The following XIRP2 variants were observed in gnomAD, a reference collection of about 807,000 sequenced individuals.
XIRP2 encodes xin actin-binding repeat-containing protein 2.
In XIRP2, 236 loss-of-function variants were observed where a neutral mutation model predicts 277.0. The ratio of observed to expected loss-of-function variants is 0.85; its 90% CI spans 0.77 to 0.95. The LOEUF (loss-of-function observed/expected upper bound fraction) is 0.95, where lower values mean the gene tolerates loss of function less well. Among genes scored for constraint, XIRP2 ranks in the 40% least tolerant of loss-of-function variants. The pLI, the probability that XIRP2 is intolerant of heterozygous loss-of-function variation, is 0.00. For synonymous variants in XIRP2, 1,490 were observed against 1,416.5 expected (o/e 1.05, Z -1.17); for missense variants, 4,640 against 4,157.5 (o/e 1.12, Z -3.19).
intron 2 of XIRP2, among the ~76,000 whole-genome samples, chr2:167,103,497 C>G (rs1395661676): frequency 6.6e-6 from 1 of 152,124 alleles, no homozygotes; most frequent in Non-Finnish European, 1.5e-5. Flanking sequence ...ACAGCTTTCC[C>G]TACAAACCTT....
chr2:167,200,167 T>C (rs1340898535), intron 3 of XIRP2, among the ~76,000 whole-genome samples: 1 of 152,110 alleles, frequency 6.6e-6, no homozygotes, highest in African/African-American at 2.4e-5. Flanking sequence ...TTTCAACACA[T>C]GGGTACTAAG....
At chr2:166,981,740 TA>T (rs1686875595) in intron 2 of XIRP2, among the ~76,000 whole-genome samples, 1 of 152,126 alleles carries the variant, frequency 6.6e-6, no homozygotes, top group African/African-American at 2.4e-5. Context: ...CGTGATGGAT[TA>T]GGGGTCACCA....
chr2:167,167,485 A>G (rs569343250), intron 3 of XIRP2, among the ~76,000 whole-genome samples: 12 of 152,232 alleles, frequency 7.9e-5, no homozygotes, highest in African/African-American at 1.4e-4. Context: ...CAGTCTTAGC[A>G]TATTGTACTT....
In XIRP2 at chr2:167,259,067, G is replaced by A. The variant is rs766745683; in HGVS notation, c.*1250G>A. The A allele has an allele frequency of 1.7e-5, 28 of 1,611,104 alleles. No individual in the cohort carries two copies. The highest frequency in any genetic ancestry group is 7.7e-5 in the South Asian group (7 of 90,982). ...TTTACACTTTTTCTTTTCTAACACCGTGAAAATCACTGCATTTTCCAAGAA... is the reference window on the plus strand; with the variant it reads ...TTTACACTTTTTCTTTTCTAACACCATGAAAATCACTGCATTTTCCAAGAA... On this transcript the variant is annotated 3_prime_UTR_variant, in exon 11 of 11. Coordinates refer to ENST00000409195, the MANE Select transcript of XIRP2 (RefSeq NM_152381.6).
At chr2:166,938,509 T>G (rs547819363) in intron 2 of XIRP2, among the ~76,000 whole-genome samples, 1 of 152,350 alleles carries the variant, frequency 6.6e-6, no homozygotes, top group South Asian at 2.1e-4. Context: ...AGTGCTTTAC[T>G]TCCAACTATG....
At chr2:167,028,597 T>C (rs2105499771) in intron 2 of XIRP2, among the ~76,000 whole-genome samples, 1 of 151,770 alleles carries the variant, frequency 6.6e-6, no homozygotes, top group African/African-American at 2.4e-5. Context: ...CCAAGACAGG[T>C]ACAAAGAAGT....
chr2:166,975,593 A>G (rs1205143404), intron 2 of XIRP2, among the ~76,000 whole-genome samples: 2 of 152,212 alleles, frequency 1.3e-5, no homozygotes, highest in Non-Finnish European at 2.9e-5. Context: ...TGAATGTCCT[A>G]CATTCTAATT....
chr2:167,174,041 T>A (rs1692770202), intron 3 of XIRP2, among the ~76,000 whole-genome samples: 1 of 152,206 alleles, frequency 6.6e-6, no homozygotes. Context: ...GATTTTCGTG[T>A]CGATGTTCAT....
chr2:167,168,599 A>AT (rs1235684729), intron 3 of XIRP2, among the ~76,000 whole-genome samples: 2 of 151,504 alleles, frequency 1.3e-5, no homozygotes, highest in Non-Finnish European at 2.9e-5. Context: ...GTTTTTTCTT[A>AT]TTTTTTGTTT....
chr2:167,093,214 A>G (rs937686011), intron 2 of XIRP2, among the ~76,000 whole-genome samples: 3 of 151,798 alleles, frequency 2.0e-5, no homozygotes, highest in African/African-American at 7.3e-5. Flanking sequence ...AATATTAAGT[A>G]GATATTAAGA....
rs142781769 is a variant in XIRP2, at chr2:167,152,257, T to A, written c.562+16195T>A. ...CTCCACTTGAGATGTATCCGCCCCA[T>A]ACCAAAAGAAGAACAGCATCCTTTG... On this transcript the variant is annotated intron_variant, in intron 3 of 10. Coordinates refer to ENST00000409195, the MANE Select transcript of XIRP2 (RefSeq NM_152381.6). Among the ~76,000 whole-genome samples the A allele has an allele frequency of 7.3e-3, 1,114 of 152,100 alleles. 56 individuals carry two copies. The highest frequency in any genetic ancestry group is 0.068 in the Admixed American group (1,031 of 15,242).
At chr2:166,907,693 C>T (rs561014995) in intron 2 of XIRP2, among the ~76,000 whole-genome samples, 9 of 151,482 alleles carry the variant, frequency 5.9e-5, no homozygotes, top group African/African-American at 1.7e-4. Context: ...ATACATGTGC[C>T]GTGTTGGTGT....
chr2:167,040,524 A>G (rs182691426), intron 2 of XIRP2, among the ~76,000 whole-genome samples: 30 of 152,292 alleles, frequency 2.0e-4, no homozygotes, highest in Middle Eastern at 3.4e-3. Context: ...AAAACTGCCC[A>G]GAGTGTTGGC....
chr2:166,962,039 G>T (rs936474721), intron 2 of XIRP2, among the ~76,000 whole-genome samples: 1 of 151,610 alleles, frequency 6.6e-6, no homozygotes, highest in Admixed American at 6.6e-5. Context: ...GGCCATAAAA[G>T]TTCAAGGGAG....
chr2:167,023,328 T>A (rs1160960343), intron 2 of XIRP2, among the ~76,000 whole-genome samples: 4 of 152,146 alleles, frequency 2.6e-5, no homozygotes, highest in African/African-American at 9.7e-5. Flanking sequence ...TAAATTTGTT[T>A]GAGTTCATTA....
chr2:167,011,144 TG>T (rs1282193700), intron 2 of XIRP2, among the ~76,000 whole-genome samples: 3 of 149,202 alleles, frequency 2.0e-5, no homozygotes, highest in African/African-American at 7.4e-5. Flanking sequence ...ATCCCTGTCT[TG>T]TGCCAGTTTT....
At chr2:167,077,405 C>T (rs569976742) in intron 2 of XIRP2, among the ~76,000 whole-genome samples, 1 of 151,548 alleles carries the variant, frequency 6.6e-6, no homozygotes, top group South Asian at 2.1e-4. Context: ...ATGTGGCAGC[C>T]GTTAGTTTAA....
At chr2:167,190,874 G>A (rs1573944620) in intron 3 of XIRP2, among the ~76,000 whole-genome samples, 1 of 152,028 alleles carries the variant, frequency 6.6e-6, no homozygotes, top group Admixed American at 6.6e-5. Context: ...CCACATTCTT[G>A]GTAGAATAGT....
At chr2:167,124,556 A>G (rs1305127057) in intron 2 of XIRP2, 1 of 152,162 alleles carries the variant, frequency 6.6e-6, no homozygotes, top group African/African-American at 2.4e-5. Flanking sequence ...AGTATGTTAG[A>G]CTCAGTGTGG....
Sources: gnomAD v4.1 joint callset for allele counts (sites outside exome capture counted in the v4.1 genomes callset) on GRCh38, gnomAD v4.1.1 for gene constraint, MANE v1.5 for transcripts, NCBI Gene and HGNC (gene_info 2026-07-23, HGNC 2026-07-21) for gene names.